KIAA1958: variants seen among roughly 807,000 people sequenced by gnomAD.
KIAA1958 encodes uncharacterized protein KIAA1958.
In KIAA1958, 14 loss-of-function variants were observed where a neutral mutation model predicts 47.2. That is an observed-to-expected ratio of 0.30 (90% CI 0.20 to 0.46). The LOEUF is 0.46. Ranked by LOEUF, KIAA1958 falls within the 20% of genes least tolerant of loss-of-function variation. The pLI, the probability that KIAA1958 is intolerant of heterozygous loss-of-function variation, is 1.00. For missense variants in KIAA1958, 803 were observed against 909.2 expected (o/e 0.88, Z 1.50); for synonymous variants, 354 against 353.3 (o/e 1.00, Z -0.02).
At chr9:112,560,910 C>A (rs1054932582) in intron 1 of KIAA1958, among the ~76,000 whole-genome samples, 1 of 151,942 alleles carries the variant, frequency 6.6e-6, no homozygotes, top group African/African-American at 2.4e-5. Context: ...TTCTCTCTGT[C>A]TGTCCCCTCC....
chr9:112,522,972 T>G (rs1834574714), intron 1 of KIAA1958, among the ~76,000 whole-genome samples: 1 of 152,172 alleles, frequency 6.6e-6, no homozygotes, highest in Non-Finnish European at 1.5e-5. Flanking sequence ...GTGGGAGTAC[T>G]CTCAAGTTAA....
At chr9:112,582,936 T>C (rs1165890404) in intron 2 of KIAA1958, among the ~76,000 whole-genome samples, 1 of 152,154 alleles carries the variant, frequency 6.6e-6, no homozygotes, top group African/African-American at 2.4e-5. Context: ...TGAATCTCTC[T>C]GAAAAGAAAA....
chr9:112,593,316 A>T (rs533637942), intron 2 of KIAA1958, among the ~76,000 whole-genome samples: 2 of 152,324 alleles, frequency 1.3e-5, no homozygotes, highest in East Asian at 1.9e-4. Flanking sequence ...TGTGAAATTC[A>T]TGCAGCTTGG....
At chr9:112,588,632 TG>T (rs1835869678) in intron 2 of KIAA1958, among the ~76,000 whole-genome samples, 1 of 152,180 alleles carries the variant, frequency 6.6e-6, no homozygotes, top group Non-Finnish European at 1.5e-5. Flanking sequence ...ACTTTGTGTG[TG>T]TGTGTTTTCC....
At chr9:112,652,102 G>C (rs1837063721) in intron 3 of KIAA1958, among the ~76,000 whole-genome samples, 1 of 152,056 alleles carries the variant, frequency 6.6e-6, no homozygotes, top group Non-Finnish European at 1.5e-5. Flanking sequence ...CTGGACTCAA[G>C]TGATCCACCT....
chr9:112,609,807 C>T (rs1223403451), intron 2 of KIAA1958, among the ~76,000 whole-genome samples: 7 of 152,260 alleles, frequency 4.6e-5, no homozygotes, highest in Admixed American at 2.6e-4. Flanking sequence ...CCCGCTCAGC[C>T]TCCCAAAGTG....
intron 1 of KIAA1958, among the ~76,000 whole-genome samples, chr9:112,545,834 T>TTTG (rs1835021492): frequency 1.4e-5 from 2 of 146,832 alleles, no homozygotes; most frequent in East Asian, 1.9e-4. Flanking sequence ...TGTTTTTTTT[T>TTTG]TTTTTTTTTT....
rs886415867 is a variant in KIAA1958 at position 112,665,172 on chromosome 9, C to T, written c.*5103C>T. 6.6e-6 allele frequency: 1 copy of T among 152,094 alleles called. No individual in the cohort carries two copies. Among genetic ancestry groups the T allele is most frequent in the African/African-American group, 2.4e-5 (1 of 41,434 alleles). 9.4% of individuals were successfully genotyped at this position (152,094 alleles called of 1,614,324 possible). On this transcript the variant is annotated 3_prime_UTR_variant, in exon 4 of 4. Coordinates refer to ENST00000337530, the MANE Select transcript of KIAA1958 (RefSeq NM_133465.4). ...AATAGCAATTAGATAACTCTCCCTC[C>T]CCCCATTGAGGTGAGAATGGGCTCC...
chr9:112,595,676 T>TAAAAAAAAAA, intron 2 of KIAA1958, among the ~76,000 whole-genome samples: 1 of 133,544 alleles, frequency 7.5e-6, no homozygotes, highest in Non-Finnish European at 1.6e-5. Context: ...AGACTCCATC[T>TAAAAAAAAAA]AAAAAAAAAA....
chr9:112,487,040 TC>T lies in KIAA1958; in HGVS notation c.-101del. 1 of 211,974 alleles carries T rather than the reference TC, an allele frequency of 4.7e-6. No individual in the cohort carries two copies. Among genetic ancestry groups the T allele is most frequent in the Non-Finnish European group, 9.5e-6 (1 of 105,318 alleles). 13.1% of individuals were successfully genotyped at this position (211,974 alleles called of 1,614,324 possible). A position where few individuals can be genotyped will look rare whatever the true frequency, so the allele number is the denominator to read the frequency against. On this transcript the variant is annotated 5_prime_UTR_variant, in exon 1 of 4. Coordinates refer to ENST00000337530, the MANE Select transcript of KIAA1958 (RefSeq NM_133465.4). ...CCTCGCGCCCCTTCGGCCCGTCCCG[TC>T]CAGCCCGGGCTGCCCGGCTCTCGCA...
At chr9:112,521,817 G>A (rs1022054211) in intron 1 of KIAA1958, among the ~76,000 whole-genome samples, 4 of 151,754 alleles carry the variant, frequency 2.6e-5, no homozygotes, top group African/African-American at 9.7e-5. Flanking sequence ...AAAATCAATA[G>A]GATACATTCT....
At chr9:112,580,234 CAG>C (rs1328987451) in intron 2 of KIAA1958, among the ~76,000 whole-genome samples, 1 of 152,112 alleles carries the variant, frequency 6.6e-6, no homozygotes, top group Non-Finnish European at 1.5e-5. Context: ...GGCAGTAAAC[CAG>C]AGATTCCTAC....
At chr9:112,567,451 T>C (rs1835444595) in intron 1 of KIAA1958, among the ~76,000 whole-genome samples, 1 of 152,204 alleles carries the variant, frequency 6.6e-6, no homozygotes, top group Non-Finnish European at 1.5e-5. Context: ...CCAGTCATCC[T>C]ATCTTTTTCC....
intron 1 of KIAA1958, among the ~76,000 whole-genome samples, chr9:112,564,140 G>A (rs60137402): frequency 0.11 from 16,951 of 152,066 alleles, 1,388 homozygotes; most frequent in East Asian, 0.2. Context: ...TTATGCTGGC[G>A]TCCTCAAACA....
chr9:112,551,587 A>C (rs1309207392), intron 1 of KIAA1958, among the ~76,000 whole-genome samples: 1 of 152,266 alleles, frequency 6.6e-6, no homozygotes, highest in Non-Finnish European at 1.5e-5. Context: ...AAAATGTAAA[A>C]GAAGTGACTT....
intron 1 of KIAA1958, among the ~76,000 whole-genome samples, chr9:112,510,208 G>A (rs148353079): frequency 3.9e-5 from 6 of 152,292 alleles, no homozygotes; most frequent in South Asian, 4.1e-4. Context: ...TCAGTGGGAC[G>A]TCTCTGATTG....
At chr9:112,516,500 A>G (rs891188341) in intron 1 of KIAA1958, among the ~76,000 whole-genome samples, 5 of 152,216 alleles carry the variant, frequency 3.3e-5, no homozygotes, top group Non-Finnish European at 7.3e-5. Context: ...GGTTCAGAAG[A>G]TGCAATATTG....
intron 1 of KIAA1958, among the ~76,000 whole-genome samples, chr9:112,547,638 G>A (rs1051037570): frequency 4.6e-5 from 7 of 152,028 alleles, no homozygotes; most frequent in South Asian, 2.1e-4. Context: ...GACAGAAGGC[G>A]CTGAAAGAAA....
chr9:112,665,274 T>C lies in KIAA1958; in HGVS notation c.*5205T>C, dbSNP rs1458933655. On this transcript the variant is annotated 3_prime_UTR_variant, in exon 4 of 4. Transcript: ENST00000337530. The stretch of plus-strand genomic sequence containing the variant: ...GGTTATTGTTACATCTACTGATTTT[T>C]TCAAATAAAAATTTCTAGAAGGCTC... 1 of 152,208 alleles carries C rather than the reference T, an allele frequency of 6.6e-6. No individual in the cohort carries two copies. The allele number at this position is 152,208 out of a possible 1,614,324, so 9.4% of individuals were successfully genotyped here.
Sources: allele counts gnomAD v4.1 joint callset (sites outside exome capture counted in the v4.1 genomes callset), GRCh38; gene constraint gnomAD v4.1.1; transcripts MANE v1.5; gene names NCBI Gene and HGNC (gene_info 2026-07-23, HGNC 2026-07-21).